The following PTPN5 variants were observed in gnomAD, a reference collection of about 807,000 sequenced individuals.
PTPN5 encodes protein tyrosine phosphatase non-receptor type 5, also known as tyrosine-protein phosphatase non-receptor type 5.
A neutral mutation model predicts 73.9 loss-of-function variants in PTPN5; 29 were observed. That is an observed-to-expected ratio of 0.39 (90% CI 0.29 to 0.54). The LOEUF (loss-of-function observed/expected upper bound fraction) is 0.54, where lower values mean the gene tolerates loss of function less well. Among genes scored for constraint, PTPN5 ranks in the 20% least tolerant of loss-of-function variants. The pLI is 0.65. For synonymous variants in PTPN5, 267 were observed against 304.7 expected (o/e 0.88, Z 1.29); for missense variants, 652 against 751.4 (o/e 0.87, Z 1.55).
chr11:18,748,575 C>T (rs1849741969), intron 3 of PTPN5, among the ~76,000 whole-genome samples: 3 of 151,750 alleles, frequency 2.0e-5, no homozygotes, highest in Non-Finnish European at 2.9e-5. Context: ...TTCAAACACA[C>T]TCTATATTCT....
chr11:18,739,121 T>C (rs780079204), intron 8 of PTPN5, among the ~76,000 whole-genome samples: 94 of 152,320 alleles, frequency 6.2e-4, no homozygotes, highest in Non-Finnish European at 1.3e-3. Context: ...CACTGTTCAT[T>C]GTTTTTGGAC....
intron 3 of PTPN5, among the ~76,000 whole-genome samples, chr11:18,754,839 T>G (rs1413355476): frequency 6.6e-6 from 1 of 152,220 alleles, no homozygotes; most frequent in Non-Finnish European, 1.5e-5. Context: ...CGTAGGCATA[T>G]CCTGAGACTA....
intron 3 of PTPN5, among the ~76,000 whole-genome samples, chr11:18,764,956 C>T (rs1850573847): frequency 6.6e-6 from 1 of 152,152 alleles, no homozygotes; most frequent in South Asian, 2.1e-4. Context: ...TCGTGATCTG[C>T]CCGCCTTGGC....
chr11:18,743,927 C>T lies in PTPN5; in HGVS notation c.291+79G>A, dbSNP rs1849492361. ...CCTTATCCTCCTGCCTTCCAGGTGG[C>T]CATCCTGGGGAGGAAGTGGGAGGCT... On this transcript the variant is annotated intron_variant, in intron 4 of 14. Transcript: ENST00000358540. 6 of 1,480,534 alleles carry T rather than the reference C, an allele frequency of 4.1e-6. No individual in the cohort carries two copies. In the South Asian group the frequency reaches 4.2e-5, roughly 10 times the overall value. 91.7% of individuals were successfully genotyped at this position (1,480,534 alleles called of 1,614,324 possible). A position where few individuals can be genotyped will look rare whatever the true frequency, so the allele number is the denominator to read the frequency against.
intron 4 of PTPN5, chr11:18,743,774 G>A: frequency 1.7e-6 from 1 of 587,272 alleles, no homozygotes; most frequent in Non-Finnish European, 2.9e-6. Flanking sequence ...GAGGCCCTGT[G>A]TTCTGGATTC....
Position 18,772,090 on chromosome 11 carries a change from G to A in PTPN5, c.-113-19C>T. ...CATCCAGCTGGGAAAACGGGGCAAA[G>A]AGAGATTAAGTGACTAGTCTCAGGT... On this transcript the variant is annotated intron_variant, in intron 1 of 14. Coordinates refer to ENST00000358540, the MANE Select transcript of PTPN5 (RefSeq NM_006906.2). The A allele has an allele frequency of 3.1e-6, 2 of 636,400 alleles. No homozygotes were observed. The highest frequency in any genetic ancestry group is 5.3e-6 in the Non-Finnish European group (2 of 378,180). 39.4% of individuals were successfully genotyped at this position (636,400 alleles called of 1,614,324 possible).
Position 18,733,622 on chromosome 11 carries a change from T to A in PTPN5, c.1014A>T (p.Arg338Ser). The change falls in exon 10 of 15, where the codon AGA becomes AGT. Residue 338 changes from arginine (R) to serine (S), a missense_variant. Coordinates refer to ENST00000358540, the MANE Select transcript of PTPN5 (RefSeq NM_006906.2). This position sits in a 1 kb window ranked among gnomAD's most constrained non-coding sequence, Gnocchi z 4.3. ...YKTILPNPHSRVCLTSPDPDD... is the reference protein window; with the variant it reads ...YKTILPNPHSSVCLTSPDPDD... ...CAGGGTCTGGTGAGGTCAGACACAC[T>A]CTGCTGTGAGGGTCTGGGGTGGTGG... 2.5e-6 allele frequency: 4 copies of A among 1,614,184 alleles called. No individual in the cohort carries two copies. Among genetic ancestry groups the A allele is most frequent in the Non-Finnish European group, 3.4e-6 (4 of 1,180,008 alleles).
At chr11:18,762,302 G>A (rs1850434553) in intron 3 of PTPN5, among the ~76,000 whole-genome samples, 1 of 152,176 alleles carries the variant, frequency 6.6e-6, no homozygotes, top group South Asian at 2.1e-4. Context: ...ACAGAGAGTG[G>A]AAAGAGTACT....
intron 3 of PTPN5, among the ~76,000 whole-genome samples, chr11:18,758,764 C>T (rs1296863320): frequency 1.3e-5 from 2 of 152,026 alleles, no homozygotes; most frequent in African/African-American, 4.8e-5. Context: ...GTAATGGCAT[C>T]TGTCACTGCA....
At chr11:18,761,952 G>C (rs1850413325) in intron 3 of PTPN5, among the ~76,000 whole-genome samples, 1 of 152,208 alleles carries the variant, frequency 6.6e-6, no homozygotes, top group African/African-American at 2.4e-5. Context: ...GGGTGACTGT[G>C]CGTGGGAACA....
At chr11:18,737,501 G>C (rs1371633936) in intron 9 of PTPN5, among the ~76,000 whole-genome samples, 1 of 151,530 alleles carries the variant, frequency 6.6e-6, no homozygotes, top group Non-Finnish European at 1.5e-5. Flanking sequence ...CTAGCTGTGG[G>C]ACTGCAGGTG....
chr11:18,737,098 G>T (rs1849147142), intron 9 of PTPN5, among the ~76,000 whole-genome samples: 1 of 152,244 alleles, frequency 6.6e-6, no homozygotes, highest in Non-Finnish European at 1.5e-5. Flanking sequence ...AATGGAGTAG[G>T]TTTATGGGGA....
chr11:18,781,522 A>G (rs1280957269), intron 1 of PTPN5, among the ~76,000 whole-genome samples: 2 of 151,720 alleles, frequency 1.3e-5, no homozygotes, highest in African/African-American at 4.8e-5. Context: ...GTTTCACCAT[A>G]TTGGCTAGGG....
At chr11:18,786,562 T>C (rs1433925281) in intron 1 of PTPN5, among the ~76,000 whole-genome samples, 2 of 152,224 alleles carry the variant, frequency 1.3e-5, no homozygotes, top group Non-Finnish European at 2.9e-5. Context: ...CTTTTGGTGA[T>C]AACACTGCTT....
intron 3 of PTPN5, among the ~76,000 whole-genome samples, chr11:18,751,251 T>C (rs1849875702): frequency 1.3e-5 from 2 of 152,124 alleles, no homozygotes; most frequent in South Asian, 4.1e-4. Context: ...TGTTAGAGGA[T>C]ATATGGTGCT....
intron 3 of PTPN5, among the ~76,000 whole-genome samples, chr11:18,750,106 G>A (rs1849819803): frequency 6.6e-6 from 1 of 152,200 alleles, no homozygotes; most frequent in Non-Finnish European, 1.5e-5. Context: ...GAGAGCGGAA[G>A]TGGCTTGCCC....
intron 9 of PTPN5, among the ~76,000 whole-genome samples, chr11:18,734,585 C>T (rs967226807): frequency 2.0e-5 from 3 of 152,192 alleles, no homozygotes; most frequent in Non-Finnish European, 2.9e-5. Flanking sequence ...CCTCCTACCT[C>T]GGCCTCTCAA....
At chr11:18,756,360 G>A (rs1461197884) in intron 3 of PTPN5, among the ~76,000 whole-genome samples, 1 of 141,338 alleles carries the variant, frequency 7.1e-6, no homozygotes, top group Non-Finnish European at 1.5e-5. Flanking sequence ...GCAGTGGCAT[G>A]ATCTCTGCTC....
chr11:18,764,425 G>C (rs910144611), intron 3 of PTPN5, among the ~76,000 whole-genome samples: 1 of 152,192 alleles, frequency 6.6e-6, no homozygotes, highest in Non-Finnish European at 1.5e-5. Context: ...CGTCTCAACA[G>C]GCTGTCCCAA....
Sources: allele counts gnomAD v4.1 joint callset (sites outside exome capture counted in the v4.1 genomes callset), GRCh38; gene constraint gnomAD v4.1.1; non-coding constraint Gnocchi (gnomAD v3.1); transcripts MANE v1.5; gene names NCBI Gene and HGNC (gene_info 2026-07-23, HGNC 2026-07-21).